Variants in NEK11 observed in about 807,000 individuals in gnomAD.
NEK11 encodes serine/threonine-protein kinase Nek11.
NEK11 carries 72 observed loss-of-function variants against 80.7 expected under a neutral mutation model. The ratio of observed to expected loss-of-function variants is 0.89; its 90% confidence interval spans 0.74 to 1.08. The LOEUF (loss-of-function observed/expected upper bound fraction) is 1.08. NEK11 is among the 50% of genes least tolerant of loss of function. The pLI, the probability that NEK11 is intolerant of heterozygous loss-of-function variation, is 0.00. For synonymous variants in NEK11, 251 were observed against 260.7 expected, an observed-to-expected ratio of 0.96 and a Z score of 0.36; for missense variants, 764 against 763.6, an observed-to-expected ratio of 1.00 and a Z score of -0.01.
chr3:131,243,146 G>A (rs2095543615), intron 15 of NEK11, among the ~76,000 whole-genome samples: 2 of 152,074 alleles, frequency 1.3e-5, no homozygotes, highest in Admixed American at 6.6e-5. Context: ...ATAAGCACAC[G>A]AAGGAGACAA....
At chr3:131,179,920 G>A (rs2093256721) in intron 14 of NEK11, among the ~76,000 whole-genome samples, 1 of 152,112 alleles carries the variant, frequency 6.6e-6, no homozygotes, top group Non-Finnish European at 1.5e-5. Flanking sequence ...GTCAGGCTAG[G>A]CTACACTTGC....
At chr3:131,256,037 G>T (rs984316206) in intron 16 of NEK11, among the ~76,000 whole-genome samples, 1 of 152,120 alleles carries the variant, frequency 6.6e-6, no homozygotes, top group Non-Finnish European at 1.5e-5. Flanking sequence ...AGTTAAATTT[G>T]TCTCCAAAGG....
chr3:131,116,523 T>C (rs1456941013), intron 5 of NEK11, among the ~76,000 whole-genome samples: 1 of 152,240 alleles, frequency 6.6e-6, no homozygotes, highest in Non-Finnish European at 1.5e-5. Flanking sequence ...ATGGTATTTC[T>C]AGTTCTAGAT....
At chr3:131,314,843 ACATTATTCACT>A (rs2096820547) in intron 17 of NEK11, among the ~76,000 whole-genome samples, 1 of 152,254 alleles carries the variant, frequency 6.6e-6, no homozygotes, top group South Asian at 2.1e-4. Context: ...ATATTTTATT[ACATTATTCACT>A]CATTATTCAA....
chr3:131,201,383 C>G (rs2094219858), intron 14 of NEK11, among the ~76,000 whole-genome samples: 1 of 151,904 alleles, frequency 6.6e-6, no homozygotes, highest in African/African-American at 2.4e-5. Context: ...GTTTCTCGAC[C>G]TATATAGTAG....
chr3:131,160,246 C>T (rs1217093147), intron 10 of NEK11, among the ~76,000 whole-genome samples: 1 of 152,180 alleles, frequency 6.6e-6, no homozygotes, highest in Non-Finnish European at 1.5e-5. Context: ...TGAAACCTTA[C>T]AAGCCAGAAG....
intron 4 of NEK11, among the ~76,000 whole-genome samples, chr3:131,090,800 C>G (rs1291725290): frequency 1.3e-5 from 2 of 152,136 alleles, no homozygotes; most frequent in African/African-American, 4.8e-5. Flanking sequence ...GGGTTTCATT[C>G]TGTCACCAGG....
chr3:131,241,680 G>A (rs2095520830), intron 15 of NEK11, among the ~76,000 whole-genome samples: 2 of 151,940 alleles, frequency 1.3e-5, no homozygotes, highest in South Asian at 4.1e-4. Flanking sequence ...TTGTACAACA[G>A]TACATTGTAC....
chr3:131,224,581 A>G (rs2095133021), intron 14 of NEK11, among the ~76,000 whole-genome samples: 1 of 152,122 alleles, frequency 6.6e-6, no homozygotes, highest in Admixed American at 6.5e-5. Flanking sequence ...TTATTAAAAA[A>G]AATTAACTGT....
intron 14 of NEK11, among the ~76,000 whole-genome samples, chr3:131,220,603 C>T (rs1415299715): frequency 2.6e-5 from 4 of 152,130 alleles, no homozygotes; most frequent in Admixed American, 6.6e-5. Context: ...TGTAATAAAG[C>T]CATTACCCTC....
intron 3 of NEK11, among the ~76,000 whole-genome samples, chr3:131,037,562 G>T (rs905157497): frequency 6.6e-6 from 1 of 152,184 alleles, no homozygotes; most frequent in South Asian, 2.1e-4. Context: ...GATTACAGGC[G>T]TGAGCCACCA....
intron 14 of NEK11, among the ~76,000 whole-genome samples, chr3:131,221,683 AT>A (rs776800866): frequency 3.9e-5 from 6 of 152,180 alleles, no homozygotes; most frequent in Non-Finnish European, 5.9e-5. Context: ...AAAATTGTTA[AT>A]GTATATCTGG....
chr3:131,302,667 A>C (rs769226683), intron 17 of NEK11, among the ~76,000 whole-genome samples: 9 of 152,068 alleles, frequency 5.9e-5, no homozygotes, highest in Non-Finnish European at 8.8e-5. Flanking sequence ...GTTTTTAGAG[A>C]TCTCCTTAGA....
At position 131,162,416 on chromosome 3, in the gene NEK11, G is replaced by C. The variant is rs765390694; in HGVS notation, c.971G>C (p.Arg324Thr). ...AAHIINAMQK[R>T]IHLQTLRALS... is the part of the protein sequence containing the mutation. ...ATCTTTGTTATTTATAGGCAAAAAAGGATCCACCTGCAGACTCTGAGGGCA... is the reference window on the plus strand; with the variant it reads ...ATCTTTGTTATTTATAGGCAAAAAACGATCCACCTGCAGACTCTGAGGGCA... The change falls in exon 11 of 18, where the codon AGG becomes ACG. Residue 324 changes from arginine to threonine, a missense_variant. Transcript: ENST00000383366. 3 of 1,613,332 alleles carry C rather than the reference G, an allele frequency of 1.9e-6. No individual in the cohort carries two copies. The Admixed American group carries it at 5.0e-5, about 27-fold the overall frequency.
chr3:131,335,900 C>A (rs1466162608), intron 17 of NEK11, among the ~76,000 whole-genome samples: 3 of 151,966 alleles, frequency 2.0e-5, no homozygotes, highest in Non-Finnish European at 2.9e-5. Context: ...ACCTAGGAAT[C>A]CAACTTACAA....
At chr3:131,321,989 G>A (rs2096901932) in intron 17 of NEK11, among the ~76,000 whole-genome samples, 1 of 152,140 alleles carries the variant, frequency 6.6e-6, no homozygotes, top group South Asian at 2.1e-4. Flanking sequence ...CCATTACTGA[G>A]TATATATCTA....
Position 131,091,153 on chromosome 3 carries a change from A to T in NEK11, c.336+10565A>T, listed in dbSNP as rs185663661. 4.6e-5 allele frequency among the ~76,000 whole-genome samples: 7 copies of T among 152,348 alleles called. No individual in the cohort carries two copies. The East Asian group carries it at 1.4e-3, about 29-fold the overall frequency. On this transcript the variant is annotated intron_variant, in intron 4 of 17. Coordinates refer to ENST00000383366, the MANE Select transcript of NEK11 (RefSeq NM_024800.5). ...TGGAAATAGGAAGAATAACTTAAGAAGCACAAGACACAGATCTTGGATTAA... is the reference window on the plus strand; with the variant it reads ...TGGAAATAGGAAGAATAACTTAAGATGCACAAGACACAGATCTTGGATTAA...
At position 131,110,944 on chromosome 3, in the gene NEK11, G is replaced by T. The variant is rs554153690; in HGVS notation, c.455+1023G>T. 7.6e-4 allele frequency among the ~76,000 whole-genome samples: 116 copies of T among 152,124 alleles called. 1 individual carries two copies. The highest frequency in any genetic ancestry group is 2.5e-3 in the Admixed American group (38 of 15,268). On this transcript the variant is annotated intron_variant, in intron 5 of 17. Transcript: ENST00000383366. ...TATCTTTAGAAATCTTTTATTAAAAGATTATTTGACTTAAATGAATCAAAT... is the reference window on the plus strand; with the variant it reads ...TATCTTTAGAAATCTTTTATTAAAATATTATTTGACTTAAATGAATCAAAT...
chr3:131,085,980 G>T (rs1201771000), intron 4 of NEK11, among the ~76,000 whole-genome samples: 1 of 152,034 alleles, frequency 6.6e-6, no homozygotes, highest in Non-Finnish European at 1.5e-5. Flanking sequence ...TTTGTAGAAT[G>T]TCTCTCAGTT....
Sources: allele counts gnomAD v4.1 joint callset (sites outside exome capture counted in the v4.1 genomes callset), GRCh38; gene constraint gnomAD v4.1.1; transcripts MANE v1.5; gene names NCBI Gene and HGNC (gene_info 2026-07-23, HGNC 2026-07-21).